Variants in RNF212B observed in about 807,000 individuals in gnomAD.
The protein encoded by RNF212B is ring finger protein 212B.
In RNF212B, 52 loss-of-function variants were observed where a neutral mutation model predicts 55.5. The observed-to-expected ratio is 0.94, with a 90% CI of 0.75 to 1.18. The LOEUF (loss-of-function observed/expected upper bound fraction) is 1.18. Among genes scored for constraint, RNF212B ranks in the 50% most tolerant of loss-of-function variants. The pLI, the probability that RNF212B is intolerant of heterozygous loss-of-function variation, is 0.00. For synonymous variants in RNF212B, 99 were observed against 121.4 expected (o/e 0.82, Z 1.21); for missense variants, 289 against 350.4 (o/e 0.82, Z 1.40).
intron 4 of RNF212B, among the ~76,000 whole-genome samples, chr14:23,245,527 T>C (rs1368108339): frequency 1.3e-5 from 2 of 152,108 alleles, no homozygotes. Flanking sequence ...TGGTCAAGTA[T>C]CAAGATAAAA....
At chr14:23,225,166 C>T (rs1011649485) in intron 2 of RNF212B, among the ~76,000 whole-genome samples, 12 of 151,820 alleles carry the variant, frequency 7.9e-5, no homozygotes, top group African/African-American at 1.7e-4. Flanking sequence ...CAAGTGCTGG[C>T]GAGGATGTGG....
intron 5 of RNF212B, chr14:23,259,671 C>A: frequency 2.9e-6 from 1 of 342,476 alleles, no homozygotes; most frequent in Non-Finnish European, 5.4e-6. Flanking sequence ...TGAAATCATA[C>A]CAAGTAATTG....
chr14:23,263,951 G>A (rs1325359171), intron 9 of RNF212B, among the ~76,000 whole-genome samples: 1 of 152,082 alleles, frequency 6.6e-6, no homozygotes, highest in Non-Finnish European at 1.5e-5. Flanking sequence ...AGCTGGGCAT[G>A]GTGGTGCACG....
At position 23,196,757 on chromosome 14, in the gene RNF212B, T is replaced by G. The variant is rs570132204; in HGVS notation, c.-2+3356T>G. ...GTTCTAGGGCCCAAAGGGCTTTTTTTGTGTCCATGCTCTTCCTTCTGCCTA... is the reference window on the plus strand; with the variant it reads ...GTTCTAGGGCCCAAAGGGCTTTTTTGGTGTCCATGCTCTTCCTTCTGCCTA... On this transcript the variant is annotated intron_variant, in intron 2 of 15. Transcript: ENST00000399910. Among the ~76,000 whole-genome samples, 487 of 152,328 alleles carry G rather than the reference T, an allele frequency of 3.2e-3. 2 individuals carry two copies. The highest frequency in any genetic ancestry group is 0.011 in the African/African-American group (447 of 41,586).
chr14:23,218,710 T>C (rs948067732), intron 2 of RNF212B, among the ~76,000 whole-genome samples: 3 of 152,142 alleles, frequency 2.0e-5, no homozygotes, highest in East Asian at 1.9e-4. Flanking sequence ...ATGTGAGTTA[T>C]TGGCCTTAAA....
chr14:23,229,220 TTATATATATATATATA>T (rs61656270), intron 2 of RNF212B, among the ~76,000 whole-genome samples: 1,264 of 65,028 alleles, frequency 0.019, 64 homozygotes, highest in African/African-American at 0.056. Flanking sequence ...GAATAATATT[TTATATATATATATATA>T]TATATATATA....
chr14:23,238,552 G>A (rs1040373253), intron 1 of RNF212B, among the ~76,000 whole-genome samples: 2 of 151,420 alleles, frequency 1.3e-5, no homozygotes, highest in African/African-American at 2.4e-5. Context: ...ACACAGAGAG[G>A]CCTTGTCTCT....
At chr14:23,192,933 A>C (rs1011260206) in intron 1 of RNF212B, among the ~76,000 whole-genome samples, 3 of 151,988 alleles carry the variant, frequency 2.0e-5, no homozygotes, top group Admixed American at 6.6e-5. Context: ...CTCTAGTAAA[A>C]ATACAAAAAT....
At position 23,241,666 on chromosome 14, in the gene RNF212B, C is replaced by T. The variant is rs190505249; in HGVS notation, c.100+1221C>T. Reference sequence around the variant, plus strand: ...CTCGAACTCCCGGCCTCAAGTGATCCGCCTGCCTCAGCCTCCCAAAGTGCT... The same window carrying T: ...CTCGAACTCCCGGCCTCAAGTGATCTGCCTGCCTCAGCCTCCCAAAGTGCT... On this transcript the variant is annotated intron_variant, in intron 2 of 14. Transcript: ENST00000430154. 6.9e-4 allele frequency among the ~76,000 whole-genome samples: 105 copies of T among 152,060 alleles called. 1 individual carries two copies. In the East Asian group the frequency reaches 0.016, roughly 23 times the overall value.
In RNF212B at chr14:23,200,068, G is replaced by A. The variant is rs957372496; in HGVS notation, c.-2+6667G>A. Among the ~76,000 whole-genome samples the A allele has an allele frequency of 2.6e-5, 4 of 151,084 alleles. 1 individual carries two copies. On this transcript the variant is annotated intron_variant, in intron 2 of 15. Transcript: ENST00000399910. ...AGACTCTAACAACGAGTGTACTATC[G>A]TCTTGAAACATTTTTTTCTCTCTCT...
At chr14:23,193,616 A>G (rs1878335116) in intron 2 of RNF212B, among the ~76,000 whole-genome samples, 1 of 152,176 alleles carries the variant, frequency 6.6e-6, no homozygotes, top group African/African-American at 2.4e-5. Context: ...TCTAAGAAGA[A>G]CTAGCGATAG....
At chr14:23,188,489 C>G (rs1485840687) in intron 1 of RNF212B, among the ~76,000 whole-genome samples, 1 of 139,918 alleles carries the variant, frequency 7.1e-6, no homozygotes, top group Non-Finnish European at 1.5e-5. Context: ...GAGATAGGGT[C>G]TCACTCTCAC....
chr14:23,253,110 TATTACGTC>T (rs1207271259), intron 4 of RNF212B, among the ~76,000 whole-genome samples: 4 of 152,130 alleles, frequency 2.6e-5, no homozygotes, highest in Non-Finnish European at 5.9e-5. Flanking sequence ...CAAAACCAAA[TATTACGTC>T]ATTTCTATCT....
intron 14 of RNF212B, among the ~76,000 whole-genome samples, chr14:23,271,442 CA>C (rs1304859919): frequency 4.5e-4 from 58 of 129,686 alleles, no homozygotes; most frequent in African/African-American, 4.9e-4. Flanking sequence ...GACTCCATCT[CA>C]AAAAAAAAAA....
chr14:23,240,480 A>G (rs1883490784), intron 2 of RNF212B, 35 bp downstream of exon 2: 2 of 1,412,722 alleles, frequency 1.4e-6, no homozygotes, highest in Non-Finnish European at 2.0e-6. Context: ...TTCAGGGAAA[A>G]ATGTTTTCAT....
At chr14:23,247,550 C>A (rs1409831683) in intron 4 of RNF212B, among the ~76,000 whole-genome samples, 1 of 152,056 alleles carries the variant, frequency 6.6e-6, no homozygotes, top group Non-Finnish European at 1.5e-5. Context: ...AAGTATAATG[C>A]TCTCAAGTTT....
intron 2 of RNF212B, among the ~76,000 whole-genome samples, chr14:23,197,774 GTCT>G (rs1478362127): frequency 7.9e-6 from 1 of 127,142 alleles, no homozygotes; most frequent in Non-Finnish European, 1.6e-5. Context: ...TCTATGTCTT[GTCT>G]TCTTTTTTTT....
chr14:23,225,915 A>G (rs1476027963), intron 2 of RNF212B, among the ~76,000 whole-genome samples: 1 of 152,228 alleles, frequency 6.6e-6, no homozygotes, highest in East Asian at 1.9e-4. Flanking sequence ...AATATTACTC[A>G]TTGCACTATT....
intron 2 of RNF212B, among the ~76,000 whole-genome samples, chr14:23,198,043 T>C (rs1878906993): frequency 1.3e-5 from 2 of 152,208 alleles, no homozygotes; most frequent in South Asian, 4.1e-4. Flanking sequence ...TGGAATGTCA[T>C]CAGTTAAGGC....
Sources: gnomAD v4.1 joint callset for allele counts (sites outside exome capture counted in the v4.1 genomes callset) on GRCh38, gnomAD v4.1.1 for gene constraint, MANE v1.5 for transcripts, NCBI Gene and HGNC (gene_info 2026-07-23, HGNC 2026-07-21) for gene names.